NEGR1: variants seen among roughly 807,000 people sequenced by gnomAD.
NEGR1 encodes the protein neuronal growth regulator 1.
NEGR1 carries 10 observed loss-of-function variants against 40.9 expected under a neutral mutation model. That is an observed-to-expected ratio of 0.24 (90% confidence interval 0.15 to 0.42). The LOEUF is 0.42. Among genes scored for constraint, NEGR1 ranks in the 10% least tolerant of loss-of-function variants. The pLI is 1.00. For missense variants in NEGR1, 352 were observed against 438.9 expected (o/e 0.80, Z 1.77); for synonymous variants, 185 against 166.8 (o/e 1.11, Z -0.84).
chr1:71,990,956 A>G (rs1296835665), intron 1 of NEGR1, among the ~76,000 whole-genome samples: 1 of 151,548 alleles, frequency 6.6e-6, no homozygotes, highest in African/African-American at 2.4e-5. Context: ...CACAGATACC[A>G]CAAATTCACT....
chr1:71,416,966 C>T (rs1016707989), intron 6 of NEGR1, among the ~76,000 whole-genome samples: 1 of 152,178 alleles, frequency 6.6e-6, no homozygotes, highest in African/African-American at 2.4e-5. Context: ...TTTAGTTTTA[C>T]AGATGAGGAG....
At chr1:72,020,438 A>T (rs1303639445) in intron 1 of NEGR1, among the ~76,000 whole-genome samples, 16 of 152,188 alleles carry the variant, frequency 1.1e-4, no homozygotes, top group Admixed American at 1.0e-3. Flanking sequence ...TTTCCCTGAA[A>T]AAGGAGTAGT....
chr1:71,449,720 T>C (rs1646611232), intron 6 of NEGR1, among the ~76,000 whole-genome samples: 1 of 152,126 alleles, frequency 6.6e-6, no homozygotes, highest in Non-Finnish European at 1.5e-5. Context: ...ATTATCTTCA[T>C]TTTATACATG....
chr1:71,552,860 T>C (rs1648133093), intron 6 of NEGR1, among the ~76,000 whole-genome samples: 1 of 151,458 alleles, frequency 6.6e-6, no homozygotes, highest in African/African-American at 2.4e-5. Flanking sequence ...CTCAGGAGTA[T>C]TCAGCAATTG....
intron 3 of NEGR1, among the ~76,000 whole-genome samples, chr1:71,774,286 G>T (rs1463228551): frequency 6.6e-6 from 1 of 152,100 alleles, no homozygotes; most frequent in Non-Finnish European, 1.5e-5. Flanking sequence ...TGAATTTGCT[G>T]CACTTATACC....
At chr1:71,831,126 T>C (rs1214789051) in intron 2 of NEGR1, among the ~76,000 whole-genome samples, 2 of 151,934 alleles carry the variant, frequency 1.3e-5, no homozygotes, top group Non-Finnish European at 2.9e-5. Context: ...GGTCTATGAA[T>C]AAAGATGTAA....
chr1:71,710,350 A>G (rs1428524223), intron 3 of NEGR1, among the ~76,000 whole-genome samples: 2 of 152,194 alleles, frequency 1.3e-5, no homozygotes, highest in African/African-American at 2.4e-5. Flanking sequence ...GAGCTACCAT[A>G]TGATGCAGCA....
intron 1 of NEGR1, among the ~76,000 whole-genome samples, chr1:72,281,225 CAGAAAG>C (rs963201973): frequency 2.0e-5 from 3 of 151,018 alleles, no homozygotes; most frequent in Non-Finnish European, 2.9e-5. Context: ...TAGAAAGACA[CAGAAAG>C]AGAAAAAGAG....
intron 2 of NEGR1, among the ~76,000 whole-genome samples, chr1:71,884,480 T>C (rs1002917918): frequency 6.6e-5 from 10 of 152,212 alleles, no homozygotes; most frequent in Admixed American, 2.0e-4. Flanking sequence ...TATTATTTGA[T>C]AGACCAACAA....
At chr1:72,154,621 A>C (rs1224874320) in intron 1 of NEGR1, among the ~76,000 whole-genome samples, 2 of 152,052 alleles carry the variant, frequency 1.3e-5, no homozygotes, top group Non-Finnish European at 2.9e-5. Context: ...TCATGGAAAA[A>C]ATTTTACTTC....
chr1:71,904,883 A>G (rs572834808), intron 2 of NEGR1, among the ~76,000 whole-genome samples: 6 of 152,278 alleles, frequency 3.9e-5, no homozygotes, highest in Non-Finnish European at 8.8e-5. Context: ...AATACATTCA[A>G]TATCCAAGAT....
At chr1:71,665,026 G>T (rs549244396) in intron 4 of NEGR1, among the ~76,000 whole-genome samples, 7 of 152,140 alleles carry the variant, frequency 4.6e-5, no homozygotes, top group African/African-American at 1.7e-4. Flanking sequence ...CTGTCAAAAG[G>T]TTAGGTCAGC....
In NEGR1 at chr1:72,174,743, A is replaced by T. The variant is rs1198589117; in HGVS notation, c.176+107576T>A. Among the ~76,000 whole-genome samples the T allele has an allele frequency of 7.9e-5, 12 of 151,862 alleles. No homozygotes were observed. The East Asian group carries it at 2.1e-3, about 27-fold the overall frequency. On this transcript the variant is annotated intron_variant, in intron 1 of 6. Transcript: ENST00000357731. ...TAATGGGCCAAAAGAGCAGGAAGTT[A>T]TTTCTTATAAAATTAAAAAAAATTT...
At chr1:71,677,926 C>T (rs1414109150) in intron 4 of NEGR1, among the ~76,000 whole-genome samples, 1 of 152,150 alleles carries the variant, frequency 6.6e-6, no homozygotes, top group Non-Finnish European at 1.5e-5. Context: ...ATAAGATTTA[C>T]TGTTAACAGG....
chr1:72,032,308 AGAGGG>A (rs1367210753), intron 1 of NEGR1, among the ~76,000 whole-genome samples: 1 of 152,174 alleles, frequency 6.6e-6, no homozygotes, highest in Non-Finnish European at 1.5e-5. Flanking sequence ...GTTTCGGAAC[AGAGGG>A]GCAGGAACCA....
At chr1:71,714,711 G>C (rs993326626) in intron 3 of NEGR1, among the ~76,000 whole-genome samples, 2 of 152,316 alleles carry the variant, frequency 1.3e-5, no homozygotes, top group African/African-American at 4.8e-5. Context: ...CTCTCATCCA[G>C]ACCATGCTAA....
At chr1:71,428,224 G>T in intron 6 of NEGR1, among the ~76,000 whole-genome samples, 1 of 152,222 alleles carries the variant, frequency 6.6e-6, no homozygotes, top group East Asian at 1.9e-4. Flanking sequence ...ACCAACGGCA[G>T]TGCCAGCTCT....
chr1:71,956,372 A>G (rs1385286069), intron 1 of NEGR1, among the ~76,000 whole-genome samples: 3 of 152,164 alleles, frequency 2.0e-5, no homozygotes, highest in African/African-American at 7.2e-5. Context: ...GAAATTTTAA[A>G]AAATCATCAA....
chr1:71,833,844 G>A (rs949471175), intron 2 of NEGR1, among the ~76,000 whole-genome samples: 5 of 152,076 alleles, frequency 3.3e-5, no homozygotes, highest in African/African-American at 1.2e-4. Flanking sequence ...CACTCTCACT[G>A]CAGCATAAGC....
Sources: gnomAD v4.1 joint callset for allele counts (sites outside exome capture counted in the v4.1 genomes callset) on GRCh38, gnomAD v4.1.1 for gene constraint, MANE v1.5 for transcripts, NCBI Gene and HGNC (gene_info 2026-07-23, HGNC 2026-07-21) for gene names.